The following JMJD1C variants were observed in gnomAD, a reference collection of about 807,000 sequenced individuals.
The protein encoded by JMJD1C is jumonji domain containing 1C, also known as jumonji domain-containing protein 1C.
Under a neutral mutation model 245.3 loss-of-function variants are expected in JMJD1C, and 31 were observed. That is an observed-to-expected ratio of 0.13 (90% confidence interval 0.09 to 0.17). The LOEUF (loss-of-function observed/expected upper bound fraction) is 0.17, where lower values mean the gene tolerates loss of function less well. JMJD1C is among the 10% of genes least tolerant of loss of function. JMJD1C has a pLI of 1.00. For missense variants in JMJD1C, 2,691 were observed against 3,000.2 expected, an observed-to-expected ratio of 0.90 and a Z score of 2.41; for synonymous variants, 1,057 against 1,017.4, an observed-to-expected ratio of 1.04 and a Z score of -0.74.
rs1246346994 is a variant in JMJD1C, at chr10:63,454,230, TG to T, written c.168+11264del. Reference sequence around the variant, plus strand: ...ATGTGTCAACCAAGCGTACAAAATGTGATCGGAGCTCTAAAAGGAGAAATTG... The same window carrying T: ...ATGTGTCAACCAAGCGTACAAAATGTATCGGAGCTCTAAAAGGAGAAATTG... On this transcript the variant is annotated intron_variant, in intron 1 of 25. Coordinates refer to ENST00000399262, the MANE Select transcript of JMJD1C (RefSeq NM_032776.3). Among the ~76,000 whole-genome samples the T allele has an allele frequency of 1.4e-4, 22 of 151,988 alleles. No homozygotes were observed. The East Asian group carries it at 3.7e-3, about 25-fold the overall frequency.
chr10:63,241,158 T>C (rs1269101335), intron 3 of JMJD1C, among the ~76,000 whole-genome samples: 1 of 152,166 alleles, frequency 6.6e-6, no homozygotes, highest in East Asian at 1.9e-4. Context: ...AATAATACAG[T>C]GTGTGGGATC....
At chr10:63,311,335 C>T (rs1459414346) in intron 2 of JMJD1C, among the ~76,000 whole-genome samples, 1 of 151,868 alleles carries the variant, frequency 6.6e-6, no homozygotes, top group African/African-American at 2.4e-5. Context: ...GCTGAGATGG[C>T]GCCATTGCAC....
intron 1 of JMJD1C, among the ~76,000 whole-genome samples, chr10:63,418,185 T>C (rs1268491683): frequency 1.3e-5 from 2 of 152,164 alleles, no homozygotes; most frequent in Admixed American, 1.3e-4. Context: ...CATACTACTA[T>C]AGTTTCTCAT....
intron 10 of JMJD1C, among the ~76,000 whole-genome samples, chr10:63,205,689 G>A (rs1312456302): frequency 2.0e-5 from 3 of 152,172 alleles, no homozygotes; most frequent in South Asian, 2.1e-4. Context: ...TTACAAACCC[G>A]TACAGTATTT....
rs191028504 is a variant in JMJD1C at position 63,320,221 on chromosome 10, A to G, written c.334-55457T>C. On this transcript the variant is annotated intron_variant, in intron 2 of 25. Coordinates refer to ENST00000399262, the MANE Select transcript of JMJD1C (RefSeq NM_032776.3). ...ATGCCCAGCATATCTTACATTTTGT[A>G]TTATGTTTTTGATATTGAGTAATTT... Among the ~76,000 whole-genome samples the G allele has an allele frequency of 2.6e-5, 4 of 152,216 alleles. No homozygotes were observed. The East Asian group carries it at 7.7e-4, about 29-fold the overall frequency.
chr10:63,179,783 GAA>G (rs146298979), intron 22 of JMJD1C, among the ~76,000 whole-genome samples: 169 of 132,852 alleles, frequency 1.3e-3, no homozygotes, highest in East Asian at 5.5e-3. Flanking sequence ...CTTTAAAAAA[GAA>G]AAAAAAAAAA....
At chr10:63,168,647 C>T in intron 24 of JMJD1C, 81 bp from the exon 25 acceptor site, 1 of 1,252,856 alleles carries the variant, frequency 8.0e-7, no homozygotes. Flanking sequence ...AACCAATAAA[C>T]ACAAGAGACA....
chr10:63,328,070 T>A lies in JMJD1C; in HGVS notation c.333+52248A>T, dbSNP rs185833644. On this transcript the variant is annotated intron_variant, in intron 2 of 25. Transcript: ENST00000399262. ...CAGGCGGATCACCTGAGGTCGGGAG[T>A]TTGAGGCCAGCCTGGCCAACATGGC... is the stretch of plus-strand genomic sequence containing the variant. 1.4e-4 allele frequency among the ~76,000 whole-genome samples: 22 copies of A among 151,794 alleles called. No individual in the cohort carries two copies. In the East Asian group the frequency reaches 3.7e-3, roughly 26 times the overall value.
intron 3 of JMJD1C, among the ~76,000 whole-genome samples, chr10:63,248,421 C>T (rs566120936): frequency 3.3e-5 from 5 of 151,974 alleles, no homozygotes; most frequent in South Asian, 2.1e-4. Context: ...CCCCGGAAGC[C>T]GAGGCAGGAG....
At position 63,444,275 on chromosome 10, in the gene JMJD1C, A is replaced by C. The variant is rs1222449830; in HGVS notation, c.168+21220T>G. 2.6e-5 allele frequency among the ~76,000 whole-genome samples: 4 copies of C among 152,008 alleles called. No homozygotes were observed. In the East Asian group the frequency reaches 7.7e-4, roughly 29 times the overall value. Reference sequence around the variant, plus strand: ...AATTCTAGGACATTTCTATTTATTTATTTATTTATTTATTTTGAGATAGAG... The same window carrying C: ...AATTCTAGGACATTTCTATTTATTTCTTTATTTATTTATTTTGAGATAGAG... On this transcript the variant is annotated intron_variant, in intron 1 of 25. Coordinates refer to ENST00000399262, the MANE Select transcript of JMJD1C (RefSeq NM_032776.3).
intron 1 of JMJD1C, among the ~76,000 whole-genome samples, chr10:63,470,994 T>G (rs1953476067): frequency 6.6e-6 from 1 of 152,086 alleles, no homozygotes; most frequent in South Asian, 2.1e-4. Context: ...CTACAAGAAA[T>G]AAAGAAATGG....
intron 3 of JMJD1C, among the ~76,000 whole-genome samples, chr10:63,235,508 A>G (rs1453827352): frequency 6.6e-6 from 1 of 152,224 alleles, no homozygotes; most frequent in East Asian, 1.9e-4. Context: ...AAAAAAAGAA[A>G]GAAAGAAAGA....
intron 3 of JMJD1C, among the ~76,000 whole-genome samples, chr10:63,234,437 T>G (rs958242139): frequency 1.5e-5 from 2 of 130,776 alleles, no homozygotes; most frequent in African/African-American, 6.0e-5. Context: ...GAGGCTGCAG[T>G]GAGCCACGAT....
chr10:63,475,841 A>G (rs1295343573), intron 1 of JMJD1C, among the ~76,000 whole-genome samples: 1 of 152,252 alleles, frequency 6.6e-6, no homozygotes, highest in Non-Finnish European at 1.5e-5. Flanking sequence ...ACAGGTAAAC[A>G]TGAAGTAAAA....
chr10:63,411,905 ATTTTTTT>A (rs1174450794), intron 1 of JMJD1C, among the ~76,000 whole-genome samples: 20 of 126,184 alleles, frequency 1.6e-4, no homozygotes, highest in African/African-American at 4.7e-4. Flanking sequence ...GCCTGGCCCA[ATTTTTTT>A]TTTTTTTTTT....
At chr10:63,483,373 A>G (rs982314892) in intron 1 of JMJD1C, among the ~76,000 whole-genome samples, 1 of 152,204 alleles carries the variant, frequency 6.6e-6, no homozygotes, top group Non-Finnish European at 1.5e-5. Flanking sequence ...TAGCCTTCGC[A>G]CTAGTAACAT....
At chr10:63,202,487 C>A in intron 10 of JMJD1C, 2 of 985,428 alleles carry the variant, frequency 2.0e-6, no homozygotes, top group African/African-American at 3.5e-5. Context: ...AGACTACGTA[C>A]TTCTTGCAGA....
chr10:63,450,213 T>C (rs1951959919), intron 1 of JMJD1C, among the ~76,000 whole-genome samples: 1 of 149,234 alleles, frequency 6.7e-6, no homozygotes. Flanking sequence ...ACAAAATAAT[T>C]TTTTTTTTTT....
At chr10:63,510,872 T>C (rs917787157) in intron 1 of JMJD1C, among the ~76,000 whole-genome samples, 5 of 152,254 alleles carry the variant, frequency 3.3e-5, no homozygotes, top group African/African-American at 1.2e-4. Flanking sequence ...TGATGCTTTG[T>C]TGTTAGGCAT....
Sources: allele counts gnomAD v4.1 joint callset (sites outside exome capture counted in the v4.1 genomes callset), GRCh38; gene constraint gnomAD v4.1.1; transcripts MANE v1.5; gene names NCBI Gene and HGNC (gene_info 2026-07-23, HGNC 2026-07-21).